ATL2: variants seen among roughly 807,000 people sequenced by gnomAD.
ATL2 encodes atlastin-2.
A neutral mutation model predicts 73.9 loss-of-function variants in ATL2; 31 were observed. That is an observed-to-expected ratio of 0.42 (90% confidence interval 0.32 to 0.57). The LOEUF (loss-of-function observed/expected upper bound fraction) is 0.57, where lower values mean the gene tolerates loss of function less well. Among genes scored for constraint, ATL2 ranks in the 20% least tolerant of loss-of-function variants. ATL2 has a pLI of 0.14. For missense variants in ATL2, 738 were observed against 702.6 expected, an observed-to-expected ratio of 1.05 and a Z score of -0.57; for synonymous variants, 291 against 237.5, an observed-to-expected ratio of 1.23 and a Z score of -2.07.
chr2:38,318,961 C>G lies in ATL2; in HGVS notation c.422G>C (p.Gly141Ala). The change falls in exon 3 of 13, where the codon GGT becomes GCT. Residue 141 changes from glycine to alanine, a missense_variant. By Grantham distance (60) the Gly-to-Ala change is moderately conservative. Coordinates refer to ENST00000378954, the MANE Select transcript of ATL2 (RefSeq NM_001135673.4). Reference sequence around the variant, plus strand: ...GCCTGTTGTTTCTCTTTCACAGCCACCTCGCCATGTAAAGCCTGTCAATGG... The same window carrying G: ...GCCTGTTGTTTCTCTTTCACAGCCAGCTCGCCATGTAAAGCCTGTCAATGG... Reference protein sequence around the residue: ...NEPLTGFTWRGGCERETTGIQ... With the variant: ...NEPLTGFTWRAGCERETTGIQ... 1 of 1,614,024 alleles carries G rather than the reference C, an allele frequency of 6.2e-7. No homozygotes were observed. Among genetic ancestry groups the G allele is most frequent in the Non-Finnish European group, 8.5e-7 (1 of 1,179,920 alleles).
intron 1 of ATL2, among the ~76,000 whole-genome samples, chr2:38,356,282 G>C (rs967982312): frequency 6.6e-6 from 1 of 151,296 alleles, no homozygotes; most frequent in Admixed American, 6.6e-5. Context: ...GCAATGGTGC[G>C]ATCTCGGCTC....
chr2:38,377,081 G>T, intron 1 of ATL2, 62 bp downstream of exon 1: 1 of 1,519,158 alleles, frequency 6.6e-7, no homozygotes. Context: ...GTGCCCGCGA[G>T]CCCGAGCAGC....
chr2:38,370,071 G>A (rs1463036373), intron 1 of ATL2, among the ~76,000 whole-genome samples: 1 of 139,704 alleles, frequency 7.2e-6, no homozygotes. Context: ...GAAGAATGGC[G>A]TGAACCCCGG....
At chr2:38,374,679 T>C (rs1671864563) in intron 1 of ATL2, among the ~76,000 whole-genome samples, 1 of 152,206 alleles carries the variant, frequency 6.6e-6, no homozygotes, top group Non-Finnish European at 1.5e-5. Flanking sequence ...AGTCCCAAAA[T>C]TTAAAAAATA....
At chr2:38,373,079 T>C (rs748703740) in intron 1 of ATL2, among the ~76,000 whole-genome samples, 1 of 151,650 alleles carries the variant, frequency 6.6e-6, no homozygotes. Context: ...TTGCACCCTA[T>C]CATCTGTTTC....
chr2:38,297,364 C>T (rs949375979), intron 12 of ATL2, among the ~76,000 whole-genome samples: 3 of 152,276 alleles, frequency 2.0e-5, no homozygotes, highest in Admixed American at 2.0e-4. Flanking sequence ...TCATTAATAA[C>T]CGTAGCTTTC....
chr2:38,366,549 C>G (rs1052619604), intron 1 of ATL2, among the ~76,000 whole-genome samples: 1 of 152,062 alleles, frequency 6.6e-6, no homozygotes, highest in Admixed American at 6.6e-5. Flanking sequence ...AGTGGCATAG[C>G]CTACACTTTG....
At chr2:38,365,777 T>G (rs994329973) in intron 1 of ATL2, among the ~76,000 whole-genome samples, 1 of 151,518 alleles carries the variant, frequency 6.6e-6, no homozygotes, top group East Asian at 1.9e-4. Flanking sequence ...AGAATGAGAC[T>G]CCATCTCAAA....
intron 9 of ATL2, among the ~76,000 whole-genome samples, chr2:38,302,956 T>G (rs1209263395): frequency 4.6e-5 from 7 of 152,054 alleles, no homozygotes; most frequent in Non-Finnish European, 1.0e-4. Flanking sequence ...CAAGAAAACA[T>G]GACCTCACTA....
At chr2:38,328,583 C>G (rs1668800610) in intron 2 of ATL2, among the ~76,000 whole-genome samples, 1 of 152,048 alleles carries the variant, frequency 6.6e-6, no homozygotes, top group Non-Finnish European at 1.5e-5. Context: ...CAAAATGACA[C>G]AGGAGTCAAG....
intron 9 of ATL2, among the ~76,000 whole-genome samples, chr2:38,306,209 C>T (rs1667438614): frequency 6.6e-6 from 1 of 152,084 alleles, no homozygotes; most frequent in Non-Finnish European, 1.5e-5. Context: ...AATCTAAAAC[C>T]CGTACAGACC....
intron 1 of ATL2, among the ~76,000 whole-genome samples, chr2:38,369,950 G>C (rs187012298): frequency 6.7e-6 from 1 of 150,038 alleles, no homozygotes; most frequent in East Asian, 2.0e-4. Context: ...AGGAGATTGA[G>C]ACCATCCTGG....
At chr2:38,352,133 CAAAAAAAA>C (rs778821586) in intron 1 of ATL2, among the ~76,000 whole-genome samples, 7,855 of 32,052 alleles carry the variant, frequency 0.25, 1,511 homozygotes, top group African/African-American at 0.54. Flanking sequence ...AAACAACAAC[CAAAAAAAA>C]AAAAAAAAAA....
rs555966541 is a variant in ATL2, at chr2:38,377,197, G to A, written c.64C>T (p.Arg22Trp). The A allele has an allele frequency of 1.9e-6, 3 of 1,610,090 alleles. No individual in the cohort carries two copies. Among genetic ancestry groups the A allele is most frequent in the East Asian group, 2.2e-5 (1 of 44,734 alleles). ...QPHQGLWRRR[R>W]TSDPSAAVNH... ...ACCGCGGCGCTTGGGTCGCTGGTCC[G>A]TCGCCGGCGCCACAGCCCCTGGTGC... Residue 22 changes from arginine to tryptophan, a missense_variant, in exon 1 of 13, where the codon CGG becomes TGG. Transcript: ENST00000378954.
At chr2:38,324,675 C>CT (rs1668500173) in intron 2 of ATL2, among the ~76,000 whole-genome samples, 1 of 152,214 alleles carries the variant, frequency 6.6e-6, no homozygotes, top group African/African-American at 2.4e-5. Flanking sequence ...AAGGACAACT[C>CT]TAACTACTTA....
intron 8 of ATL2, among the ~76,000 whole-genome samples, 159 bp downstream of exon 8, chr2:38,310,150 G>A (rs1667668811): frequency 6.6e-6 from 1 of 152,186 alleles, no homozygotes; most frequent in South Asian, 2.1e-4. Flanking sequence ...TCAATGGAAT[G>A]CTAGAGAAAC....
intron 1 of ATL2, chr2:38,376,260 G>A: frequency 2.1e-6 from 3 of 1,411,540 alleles, no homozygotes; most frequent in Non-Finnish European, 2.8e-6. Flanking sequence ...AAATAGGGGT[G>A]TTATGAGTGA....
intron 1 of ATL2, among the ~76,000 whole-genome samples, chr2:38,352,316 C>T (rs533993400): frequency 2.0e-5 from 3 of 151,998 alleles, no homozygotes; most frequent in South Asian, 4.2e-4. Flanking sequence ...GGCCCTCGAC[C>T]GTGGCTATAA....
In ATL2 at chr2:38,320,683, CA is replaced by C. The variant is rs549979525; in HGVS notation, c.364-1665del. Among the ~76,000 whole-genome samples the C allele has an allele frequency of 6.5e-4, 99 of 152,228 alleles. 1 individual carries two copies. Among genetic ancestry groups the C allele is most frequent in the Admixed American group, 6.0e-3 (92 of 15,300 alleles). On this transcript the variant is annotated intron_variant, in intron 2 of 12. Transcript: ENST00000378954. ...CATAGCCTTTACTCAATGTACCCCACAGGAAAAACGCCTTTGTTTCAGAAAT... is the reference window on the plus strand; with the variant it reads ...CATAGCCTTTACTCAATGTACCCCACGGAAAAACGCCTTTGTTTCAGAAAT...
Sources: gnomAD v4.1 joint callset for allele counts (sites outside exome capture counted in the v4.1 genomes callset) on GRCh38, gnomAD v4.1.1 for gene constraint, MANE v1.5 for transcripts, NCBI Gene and HGNC (gene_info 2026-07-23, HGNC 2026-07-21) for gene names.